CHST4: variants seen among roughly 807,000 people sequenced by gnomAD.
CHST4 encodes the protein carbohydrate sulfotransferase 4.
For missense variants in CHST4, 466 were observed against 506.0 expected, an observed-to-expected ratio of 0.92 and a Z score of 0.76; for synonymous variants, 171 against 195.5, an observed-to-expected ratio of 0.87 and a Z score of 1.05.
Position 71,538,132 on chromosome 16 carries a change from G to A in CHST4, c.*294G>A, listed in dbSNP as rs1373864175. The A allele has an allele frequency of 4.7e-6, 2 of 429,084 alleles. No homozygotes were observed. Among genetic ancestry groups the A allele is most frequent in the Non-Finnish European group, 8.6e-6 (2 of 231,606 alleles). The allele number at this position is 429,084 out of a possible 1,614,324, so 26.6% of individuals were successfully genotyped here. A position where few individuals can be genotyped will look rare whatever the true frequency, so the allele number is the denominator to read the frequency against. On this transcript the variant is annotated 3_prime_UTR_variant, in exon 2 of 2. Transcript: ENST00000539698. ...CAGACTTCAGAGACTTTGTGGCCTG[G>A]AGGCCTATTAAGCACGACACAGTAT...
At chr16:71,533,450 A>G (rs1021683667) in intron 1 of CHST4, among the ~76,000 whole-genome samples, 2 of 150,876 alleles carry the variant, frequency 1.3e-5, no homozygotes, top group African/African-American at 4.9e-5. Context: ...AACAAAAAAA[A>G]AAACGTAGTT....
At chr16:71,532,558 C>T (rs890176875) in intron 1 of CHST4, among the ~76,000 whole-genome samples, 2 of 152,154 alleles carry the variant, frequency 1.3e-5, no homozygotes, top group African/African-American at 4.8e-5. Flanking sequence ...TGGCTTGAGT[C>T]ATTACATACT....
rs141519767 is a variant in CHST4, at chr16:71,535,452, C to G, written c.-18-1208C>G. Among the ~76,000 whole-genome samples, 1,061 of 152,282 alleles carry G rather than the reference C, an allele frequency of 7.0e-3. 13 individuals carry two copies. Among genetic ancestry groups the G allele is most frequent in the African/African-American group, 0.024 (979 of 41,578 alleles). On this transcript the variant is annotated intron_variant, in intron 1 of 1. Coordinates refer to ENST00000539698, the MANE Select transcript of CHST4 (RefSeq NM_001166395.2). ...TCTCCCAAAGTGCTGGGATTACAGG[C>G]ATGAGCCACTGCACCTGGCCTTAAT...
intron 1 of CHST4, among the ~76,000 whole-genome samples, chr16:71,534,058 G>C (rs1464153086): frequency 6.8e-6 from 1 of 146,380 alleles, no homozygotes; most frequent in African/African-American, 2.5e-5. Flanking sequence ...AAAAAAAAAA[G>C]ATTTCCCCTC....
intron 1 of CHST4, among the ~76,000 whole-genome samples, chr16:71,534,781 A>C (rs1341420277): frequency 6.6e-6 from 1 of 152,180 alleles, no homozygotes; most frequent in Non-Finnish European, 1.5e-5. Context: ...AGCCCCACTT[A>C]CCATCTGGAA....
intron 1 of CHST4, among the ~76,000 whole-genome samples, chr16:71,532,346 C>A (rs1485353804): frequency 1.3e-5 from 2 of 152,070 alleles, no homozygotes; most frequent in African/African-American, 4.8e-5. Context: ...CATGCCCGGC[C>A]TAGCTGGTCC....
At position 71,537,866 on chromosome 16, in the gene CHST4, T is replaced by C. The variant is rs2044005285; in HGVS notation, c.*28T>C. On this transcript the variant is annotated 3_prime_UTR_variant, in exon 2 of 2. Transcript: ENST00000539698. The surrounding 1 kb of genome is among the most constrained non-coding windows in gnomAD (Gnocchi z 4.2). ...GGGTTGAGAAGGCTTTGCTGCCACC[T>C]GGTGTCAGCCTCAGTCACTTTCTCT... The C allele has an allele frequency of 1.9e-6, 3 of 1,566,264 alleles. No individual in the cohort carries two copies. The highest frequency in any genetic ancestry group is 2.6e-6 in the Non-Finnish European group (3 of 1,151,824).
intron 1 of CHST4, among the ~76,000 whole-genome samples, chr16:71,531,837 G>A (rs2043950233): frequency 6.6e-6 from 1 of 151,800 alleles, no homozygotes; most frequent in Admixed American, 6.6e-5. Context: ...CTCTCTTTTT[G>A]GTTTTGCTCC....
rs117194408 is a variant in CHST4 at position 71,530,409 on chromosome 16, C to T, written c.-19+3914C>T. On this transcript the variant is annotated intron_variant, in intron 1 of 1. Transcript: ENST00000539698. The stretch of plus-strand genomic sequence containing the variant: ...CGAGGTGTGGGGATGTTTATTTAAT[C>T]CCATATACACTGGAAATTTATTGAA... Among the ~76,000 whole-genome samples, 1,013 of 152,270 alleles carry T rather than the reference C, an allele frequency of 6.7e-3. 5 individuals are homozygous for T. Among genetic ancestry groups the T allele is most frequent in the Non-Finnish European group, 0.011 (732 of 68,016 alleles).
rs774167145 is a variant in CHST4 at position 71,537,109 on chromosome 16, T to A, written c.432T>A (p.Asp144Glu). Residue 144 changes from aspartate to glutamate, a missense_variant, in exon 2 of 2, where the codon GAT becomes GAA. Physicochemically the swap from Asp to Glu is conservative, Grantham distance 45. Transcript: ENST00000539698. This position sits in a 1 kb window ranked among gnomAD's most constrained non-coding sequence, Gnocchi z 4.2. Reference protein sequence around the residue: ...SAPACDIIPQDEIIPRAHCRL... With the variant: ...SAPACDIIPQEEIIPRAHCRL... ...CTGCCTGTGACATCATCCCACAAGA[T>A]GAAATCATCCCCCGGGCTCACTGCA... 21 of 1,613,948 alleles carry A rather than the reference T, an allele frequency of 1.3e-5. No homozygotes were observed. Among genetic ancestry groups the A allele is most frequent in the Non-Finnish European group, 1.7e-6 (2 of 1,180,010 alleles).
Position 71,538,055 on chromosome 16 carries a change from A to G in CHST4, c.*217A>G. Reference sequence around the variant, plus strand: ...GAACCTTATGTGAGCAGCACATCCCACCAGTGAAACAGGGTATTGCTCTTC... The same window carrying G: ...GAACCTTATGTGAGCAGCACATCCCGCCAGTGAAACAGGGTATTGCTCTTC... On this transcript the variant is annotated 3_prime_UTR_variant, in exon 2 of 2. Transcript: ENST00000539698. 1 of 585,468 alleles carries G rather than the reference A, an allele frequency of 1.7e-6. No individual in the cohort carries two copies. The highest frequency in any genetic ancestry group is 2.4e-5 in the South Asian group (1 of 42,126). 36.3% of individuals were successfully genotyped at this position (585,468 alleles called of 1,614,324 possible).
At chr16:71,532,656 A>C (rs1207194613) in intron 1 of CHST4, among the ~76,000 whole-genome samples, 1 of 152,220 alleles carries the variant, frequency 6.6e-6, no homozygotes, top group East Asian at 1.9e-4. Context: ...AAATGCCAAG[A>C]GTCTCCTTTG....
chr16:71,536,790 C>T lies in CHST4; in HGVS notation c.113C>T (p.Ala38Val), dbSNP rs776081245. 3 of 1,518,268 alleles carry T rather than the reference C, an allele frequency of 2.0e-6. 1 individual carries two copies. The highest frequency in any genetic ancestry group is 2.7e-5 in the South Asian group (2 of 74,838). The allele number at this position is 1,518,268 out of a possible 1,614,324, so 94.0% of individuals were successfully genotyped here. The change falls in exon 2 of 2, where the codon GCA (alanine) becomes GTA (valine). Residue 38 changes from alanine (A) to valine (V), a missense_variant. By Grantham distance (64) the Ala-to-Val change is moderately conservative. Transcript: ENST00000539698. ...AACATCAGCTCCCTGTCTATGAAGG[C>T]ACAGCCCGAGCGCATGCACGTGCTG... ...SHNISSLSMKAQPERMHVLVL... is the reference protein window; with the variant it reads ...SHNISSLSMKVQPERMHVLVL...
rs747495357 is a variant in CHST4, at chr16:71,537,066, G to A, written c.389G>A (p.Arg130Gln). 27 of 1,614,006 alleles carry A rather than the reference G, an allele frequency of 1.7e-5. No individual in the cohort carries two copies. The highest frequency in any genetic ancestry group is 9.9e-5 in the South Asian group (9 of 91,070). The change falls in exon 2 of 2, where the codon CGG becomes CAG. Residue 130 changes from arginine to glutamine, a missense_variant. Coordinates refer to ENST00000539698, the MANE Select transcript of CHST4 (RefSeq NM_001166395.2). This position sits in a 1 kb window ranked among gnomAD's most constrained non-coding sequence, Gnocchi z 4.2. ...QSSLFQWENS[R>Q]ALCSAPACDI... ...AGCCTCTTTCAGTGGGAGAACAGCCGGGCCCTGTGTTCTGCACCTGCCTGT... is the reference window on the plus strand; with the variant it reads ...AGCCTCTTTCAGTGGGAGAACAGCCAGGCCCTGTGTTCTGCACCTGCCTGT...
intron 1 of CHST4, among the ~76,000 whole-genome samples, chr16:71,528,913 C>G (rs2043926920): frequency 6.6e-6 from 1 of 152,192 alleles, no homozygotes; most frequent in Admixed American, 6.5e-5. Flanking sequence ...AACATAGATT[C>G]TCCCTTCTCA....
chr16:71,533,643 A>G (rs2043965106), intron 1 of CHST4, among the ~76,000 whole-genome samples: 2 of 152,134 alleles, frequency 1.3e-5, no homozygotes, highest in Non-Finnish European at 1.5e-5. Flanking sequence ...GAAAAATACT[A>G]TGACCCCTTT....
intron 1 of CHST4, among the ~76,000 whole-genome samples, chr16:71,528,938 C>T (rs1391690349): frequency 6.6e-6 from 1 of 152,124 alleles, no homozygotes; most frequent in Non-Finnish European, 1.5e-5. Context: ...CCTTTGGTGG[C>T]GTTTTCAAGT....
chr16:71,526,985 G>T (rs775355569), intron 1 of CHST4, among the ~76,000 whole-genome samples: 2 of 152,156 alleles, frequency 1.3e-5, no homozygotes, highest in Non-Finnish European at 2.9e-5. Context: ...TCCAGAAAAG[G>T]CTATTTATAC....
chr16:71,536,524 T>C, intron 1 of CHST4, 136 bp from the exon 2 acceptor site: 3 of 489,176 alleles, frequency 6.1e-6, no homozygotes, highest in South Asian at 7.0e-5. Context: ...GGTGCCATTG[T>C]TGGCACGAAT....
Sources: allele counts gnomAD v4.1 joint callset (sites outside exome capture counted in the v4.1 genomes callset), GRCh38; gene constraint gnomAD v4.1.1; non-coding constraint Gnocchi (gnomAD v3.1); transcripts MANE v1.5; gene names NCBI Gene and HGNC (gene_info 2026-07-23, HGNC 2026-07-21).